The following FCMR variants were observed in gnomAD, a reference collection of about 807,000 sequenced individuals.
The protein encoded by FCMR is immunoglobulin mu Fc receptor.
Under a neutral mutation model 41.6 loss-of-function variants are expected in FCMR, and 34 were observed. The observed-to-expected ratio is 0.82, with a 90% confidence interval of 0.62 to 1.09. The LOEUF is 1.09. Ranked by LOEUF, FCMR falls within the 50% of genes least tolerant of loss-of-function variation. The pLI is 0.00. For synonymous variants in FCMR, 209 were observed against 211.8 expected, an observed-to-expected ratio of 0.99 and a Z score of 0.12; for missense variants, 496 against 512.5, an observed-to-expected ratio of 0.97 and a Z score of 0.31.
intron 7 of FCMR, among the ~76,000 whole-genome samples, chr1:206,907,094 GTGGGGGGGT>G (rs1678688284): frequency 1.7e-4 from 9 of 53,978 alleles, no homozygotes; most frequent in African/African-American, 5.4e-4. Flanking sequence ...GGGTGGGGGG[GTGGGGGGGT>G]GGGGGGGGGG....
At chr1:206,922,161 G>C (rs999814319), upstream of FCMR, among the ~76,000 whole-genome samples, 2 of 152,194 alleles carry the variant, frequency 1.3e-5, no homozygotes, top group Non-Finnish European at 2.9e-5. Context: ...CAGTGACCAG[G>C]CCTGATATTC....
At position 206,911,780 on chromosome 1, in the gene FCMR, G is replaced by T. The variant is rs544259123; in HGVS notation, c.660C>A (p.Leu220=). 2 of 1,611,784 alleles carry T rather than the reference G, an allele frequency of 1.2e-6. No homozygotes were observed. The highest frequency in any genetic ancestry group is 1.3e-5 in the African/African-American group (1 of 74,784). Residue 220 remains leucine, a synonymous_variant, in exon 4 of 8, where the codon CTC becomes CTA. Transcript: ENST00000367091. ...ASKISALEGL[L]KPQTPSYNHH... Reference sequence around the variant, plus strand: ...GGTTGTAGCTGGGCGTCTGGGGCTTGAGCAGCCCCTCCAGAGCTGAGATTT... The same window carrying T: ...GGTTGTAGCTGGGCGTCTGGGGCTTTAGCAGCCCCTCCAGAGCTGAGATTT...
chr1:206,912,624 A>G (rs1678990750), intron 3 of FCMR, among the ~76,000 whole-genome samples: 1 of 152,218 alleles, frequency 6.6e-6, no homozygotes, highest in Non-Finnish European at 1.5e-5. Context: ...TGGTTTCCGC[A>G]GTCATTCATA....
Position 206,911,818 on chromosome 1 carries a change from T to G in FCMR, c.622A>C (p.Thr208Pro). The G allele has an allele frequency of 1.9e-6, 3 of 1,612,358 alleles. No individual in the cohort carries two copies. Among genetic ancestry groups the G allele is most frequent in the Non-Finnish European group, 2.5e-6 (3 of 1,179,342 alleles). The change falls in exon 4 of 8, where the codon ACT (threonine) becomes CCT (proline). Residue 208 changes from threonine to proline, a missense_variant. Coordinates refer to ENST00000367091, the MANE Select transcript of FCMR (RefSeq NM_005449.5). ...GDKPRTFLPS[T>P]TASKISALEG... ...AGAGCTGAGATTTTTGAGGCTGTAG[T>G]GGATGGCAGGAAGGTTCGGGGCTTG...
intron 3 of FCMR, among the ~76,000 whole-genome samples, chr1:206,912,200 C>G (rs1015706362): frequency 6.6e-6 from 1 of 152,156 alleles, no homozygotes; most frequent in African/African-American, 2.4e-5. Context: ...GAGCTTGCCC[C>G]CTCTGAGCAG....
chr1:206,913,795 C>T lies in FCMR; in HGVS notation c.337G>A (p.Gly113Arg), dbSNP rs761700601. The change falls in exon 2 of 8, where the codon GGA becomes AGA. Residue 113 changes from glycine to arginine, a missense_variant. Gly to Arg is a moderately radical substitution (Grantham distance 125, BLOSUM62 -2). Transcript: ENST00000367091. ...ACGAGMNTDR[G>R]KTQKVTLNVH... The stretch of plus-strand genomic sequence containing the variant: ...TTCAGGGTGACTTTCTGGGTCTTTC[C>T]CCGGTCTGTGTTCATGCCCGCTCCG... 1.2e-5 allele frequency: 20 copies of T among 1,614,078 alleles called. No individual in the cohort carries two copies. Among genetic ancestry groups the T allele is most frequent in the Middle Eastern group, 3.3e-4 (2 of 6,084 alleles).
At chr1:206,918,650 A>AGTGTGTGTGTGTGTGT (rs10652847) in intron 1 of FCMR, among the ~76,000 whole-genome samples, 6 of 145,984 alleles carry the variant, frequency 4.1e-5, no homozygotes, top group African/African-American at 1.5e-4. Flanking sequence ...ATAAATTTTA[A>AGTGTGTGTGTGTGTGT]GTGTGTGTGT....
chr1:206,912,122 C>T (rs1678970882), intron 3 of FCMR, among the ~76,000 whole-genome samples, 170 bp from the exon 4 acceptor site: 1 of 152,192 alleles, frequency 6.6e-6, no homozygotes, highest in Non-Finnish European at 1.5e-5. Flanking sequence ...TAGGCCTACT[C>T]AATTCCAAGT....
At chr1:206,908,680 C>T (rs1678784704) in intron 7 of FCMR, among the ~76,000 whole-genome samples, 1 of 151,906 alleles carries the variant, frequency 6.6e-6, no homozygotes, top group Non-Finnish European at 1.5e-5. Context: ...TGCCTGTGCT[C>T]CTCACCTGTA....
At chr1:206,918,650 A>AGTGTGTGTGTGTGTGTGT (rs10652847) in intron 1 of FCMR, among the ~76,000 whole-genome samples, 6 of 145,880 alleles carry the variant, frequency 4.1e-5, no homozygotes, top group African/African-American at 1.3e-4. Flanking sequence ...ATAAATTTTA[A>AGTGTGTGTGTGTGTGTGT]GTGTGTGTGT....
At chr1:206,922,082 CAT>C (rs1471685281), upstream of FCMR, 1 of 587,582 alleles carries the variant, frequency 1.7e-6, no homozygotes, top group Non-Finnish European at 3.1e-6. Flanking sequence ...GCTGAGAAAA[CAT>C]GTTGTGTGGA....
rs953961547 is a variant in FCMR, at chr1:206,911,909, G to A, written c.531C>T (p.His177=). The part of the protein sequence containing the change: ...AQRGKVPPVH[H]SSPTTQITHR... ...GGGTGATTTGGGTGGTGGGGGAGGA[G>A]TGGTGAACTGGAGGGACCTTGCCCC... The change falls in exon 4 of 8, where the codon CAC becomes CAT. Residue 177 remains histidine, a synonymous_variant. Transcript: ENST00000367091. The A allele has an allele frequency of 1.2e-6, 2 of 1,606,304 alleles. No homozygotes were observed. Among genetic ancestry groups the A allele is most frequent in the Middle Eastern group, 1.7e-4 (1 of 6,044 alleles).
Position 206,909,531 on chromosome 1 carries a change from G to A in FCMR, c.986-11C>T, listed in dbSNP as rs1049576905. On this transcript the variant is annotated splice_polypyrimidine_tract_variant and intron_variant, in intron 6 of 7. Transcript: ENST00000367091. This position sits in a 1 kb window ranked among gnomAD's most constrained non-coding sequence, Gnocchi z 5.0. ...GGGCCTCCCCTGTGCCTAGGGAACA[G>A]CGAGGGCGAGGTGAGGCGGCGGCCG... is the stretch of plus-strand genomic sequence containing the variant. The A allele has an allele frequency of 7.5e-7, 1 of 1,327,782 alleles. No individual in the cohort carries two copies. Among genetic ancestry groups the A allele is most frequent in the East Asian group, 3.1e-5 (1 of 31,942 alleles). The allele number at this position is 1,327,782 out of a possible 1,614,324, so 82.3% of individuals were successfully genotyped here.
intron 1 of FCMR, among the ~76,000 whole-genome samples, chr1:206,914,310 T>TTTCCTTCCATCC (rs1679084658): frequency 2.1e-5 from 3 of 145,566 alleles, no homozygotes; most frequent in Non-Finnish European, 4.5e-5. Context: ...TTTTCTTTTC[T>TTTCCTTCCATCC]TTCCTTCCTT....
chr1:206,918,157 T>G (rs1412006503), intron 1 of FCMR, among the ~76,000 whole-genome samples: 1 of 152,146 alleles, frequency 6.6e-6, no homozygotes, highest in Non-Finnish European at 1.5e-5. Flanking sequence ...CTCTTTGTCT[T>G]CATTTCCCCT....
intron 1 of FCMR, among the ~76,000 whole-genome samples, chr1:206,918,204 C>T (rs1484160427): frequency 6.6e-6 from 1 of 152,236 alleles, no homozygotes; most frequent in Non-Finnish European, 1.5e-5. Flanking sequence ...TGGAGCCAGC[C>T]CAGCTTGAAA....
intron 1 of FCMR, among the ~76,000 whole-genome samples, chr1:206,915,284 T>G (rs1475235797): frequency 6.6e-6 from 1 of 152,110 alleles, no homozygotes; most frequent in Non-Finnish European, 1.5e-5. Flanking sequence ...GGGCGCCTGA[T>G]GTAGGCTGTT....
intron 2 of FCMR, chr1:206,913,492 C>T: frequency 1.9e-6 from 1 of 533,640 alleles, no homozygotes; most frequent in East Asian, 3.0e-5. Flanking sequence ...TCCTCAATCT[C>T]AAGCCTCTAC....
chr1:206,910,452 T>C (rs1342318952), intron 4 of FCMR, 112 bp from the exon 5 acceptor site: 8 of 841,488 alleles, frequency 9.5e-6, no homozygotes, highest in Non-Finnish European at 1.3e-5. Context: ...GGTTTGTCCT[T>C]TTGTTAACAG....
Sources: gnomAD v4.1 joint callset for allele counts (sites outside exome capture counted in the v4.1 genomes callset) on GRCh38, gnomAD v4.1.1 for gene constraint, Gnocchi (gnomAD v3.1) non-coding constraint, MANE v1.5 for transcripts, NCBI Gene and HGNC (gene_info 2026-07-23, HGNC 2026-07-21) for gene names.